LRFN1: variants seen among roughly 807,000 people sequenced by gnomAD.
LRFN1 encodes leucine rich repeat and fibronectin type III domain containing 1, also known as leucine-rich repeat and fibronectin type III domain-containing protein 1.
In LRFN1, 20 loss-of-function variants were observed where a neutral mutation model predicts 31.8. That is an observed-to-expected ratio of 0.63 (90% confidence interval 0.44 to 0.91). The LOEUF (loss-of-function observed/expected upper bound fraction) is 0.91, where lower values mean the gene tolerates loss of function less well. Among genes scored for constraint, LRFN1 ranks in the 40% least tolerant of loss-of-function variants. The probability of loss-of-function intolerance (pLI) is 0.00; values close to 1 mark genes in which losing one functional copy is unlikely to be tolerated. For missense variants in LRFN1, 912 were observed against 1,129.8 expected, an observed-to-expected ratio of 0.81 and a Z score of 2.76; for synonymous variants, 514 against 541.3, an observed-to-expected ratio of 0.95 and a Z score of 0.70.
At chr19:39,317,917 C>A (rs1197906243) in intron 2 of LRFN1, among the ~76,000 whole-genome samples, 9 of 152,172 alleles carry the variant, frequency 5.9e-5, no homozygotes, top group Non-Finnish European at 1.3e-4. Context: ...TCTTCCCACA[C>A]CCATGCACAC....
chr19:39,308,559 G>GGGGT lies in LRFN1; in HGVS notation c.1407-18_1407-17insACCC. On this transcript the variant is annotated splice_polypyrimidine_tract_variant and intron_variant, in intron 4 of 4. Coordinates refer to ENST00000248668, the MANE Select transcript of LRFN1 (RefSeq NM_020862.2). This position sits in a 1 kb window ranked among gnomAD's most constrained non-coding sequence, Gnocchi z 6.2. ...GGGATCATCCTGTAGGAGGGGGCGGGTTCAGGGCGGGGTTAGTCCCCCCGA... is the reference window on the plus strand; with the variant it reads ...GGGATCATCCTGTAGGAGGGGGCGGGGGGTTTCAGGGCGGGGTTAGTCCCCCCGA... The GGGGT allele has an allele frequency of 8.2e-7, 1 of 1,212,680 alleles. No individual in the cohort carries two copies. Among genetic ancestry groups the GGGGT allele is most frequent in the Non-Finnish European group, 1.2e-6 (1 of 862,718 alleles). The allele number at this position is 1,212,680 out of a possible 1,614,324, so 75.1% of individuals were successfully genotyped here. A position where few individuals can be genotyped will look rare whatever the true frequency, so the allele number is the denominator to read the frequency against.
intron 1 of LRFN1, among the ~76,000 whole-genome samples, chr19:39,320,056 C>T (rs1157287160): frequency 1.4e-5 from 2 of 147,324 alleles, no homozygotes; most frequent in South Asian, 2.2e-4. Context: ...GTCCATTTCT[C>T]GGCCTCTCAT....
Position 39,314,529 on chromosome 19 carries a change from C to T in LRFN1, c.808G>A (p.Asp270Asn), listed in dbSNP as rs1444808318. 6 of 1,609,966 alleles carry T rather than the reference C, an allele frequency of 3.7e-6. No individual in the cohort carries two copies. Among genetic ancestry groups the T allele is most frequent in the Non-Finnish European group, 5.1e-6 (6 of 1,178,864 alleles). ...LLWLRRLTRE[D>N]DLETCATPEH... The stretch of plus-strand genomic sequence containing the variant: ...GGCGTGGCGCAGGTCTCTAAGTCGT[C>T]CTCGCGGGTCAGCCGCCGCAGCCAG... Residue 270 changes from aspartate (D) to asparagine (N), a missense_variant, in exon 4 of 5, where the codon GAC becomes AAC. Around this residue, in one of 2 missense-constraint regions of LRFN1, gnomAD observed 401 missense variants for 572.7 expected, o/e 0.70. Coordinates refer to ENST00000248668, the MANE Select transcript of LRFN1 (RefSeq NM_020862.2).
Position 39,314,626 on chromosome 19 carries a change from G to A in LRFN1, c.711C>T (p.Thr237=), listed in dbSNP as rs527538453. Reference sequence around the variant, plus strand: ...TCAGCGGGGTGGGCGGCTTGGGCCCGGTGCCCTGCGACCTCAGGAAGAGCC... The same window carrying A: ...TCAGCGGGGTGGGCGGCTTGGGCCCAGTGCCCTGCGACCTCAGGAAGAGCC... ...PDGLFLRSQG[T]GPKPPTPLTV... is the part of the protein sequence containing the mutation. The change falls in exon 4 of 5, where the codon ACC becomes ACT. Residue 237 remains threonine, a synonymous_variant. Coordinates refer to ENST00000248668, the MANE Select transcript of LRFN1 (RefSeq NM_020862.2). 2.5e-5 allele frequency: 41 copies of A among 1,610,056 alleles called. No individual in the cohort carries two copies. The African/African-American group carries it at 2.9e-4, about 12-fold the overall frequency.
Position 39,315,035 on chromosome 19 carries a change from A to T in LRFN1, c.302T>A (p.Ile101Asn), listed in dbSNP as rs1029904539. The T allele has an allele frequency of 6.3e-7, 1 of 1,595,162 alleles. No individual in the cohort carries two copies. Among genetic ancestry groups the T allele is most frequent in the Non-Finnish European group, 8.5e-7 (1 of 1,177,982 alleles). ...GAAGGCGCCAGCTGCCACCTGGCCG[A>T]TGGTGTTCCGGGAGAGAGTGAGGTG... The part of the protein sequence containing the change: ...LVHLTLSRNT[I>N]GQVAAGAFAD... The change falls in exon 4 of 5, where the codon ATC becomes AAC. Residue 101 changes from isoleucine (I) to asparagine (N), a missense_variant. Physicochemically the swap from Ile to Asn is moderately radical, Grantham distance 149. Coordinates refer to ENST00000248668, the MANE Select transcript of LRFN1 (RefSeq NM_020862.2). The surrounding 1 kb of genome is among the most constrained non-coding windows in gnomAD (Gnocchi z 4.7).
rs1432241018 is a variant in LRFN1, at chr19:39,315,680, A to G, written c.-37-307T>C. Among the ~76,000 whole-genome samples the G allele has an allele frequency of 2.6e-5, 4 of 152,052 alleles. No individual in the cohort carries two copies. Among genetic ancestry groups the G allele is most frequent in the African/African-American group, 9.7e-5 (4 of 41,378 alleles). ...CTAAAAATACAAAAATTAGCTGGGCATGGTGGTGGGCGCCTGTAATCCCAG... is the reference window on the plus strand; with the variant it reads ...CTAAAAATACAAAAATTAGCTGGGCGTGGTGGTGGGCGCCTGTAATCCCAG... On this transcript the variant is annotated intron_variant, in intron 3 of 4. Coordinates refer to ENST00000248668, the MANE Select transcript of LRFN1 (RefSeq NM_020862.2). The surrounding 1 kb of genome is among the most constrained non-coding windows in gnomAD (Gnocchi z 4.7).
chr19:39,307,992 G>A lies in LRFN1; in HGVS notation c.1957C>T (p.Leu653=), dbSNP rs531577155. 1.5e-5 allele frequency: 24 copies of A among 1,578,282 alleles called. No homozygotes were observed. In the African/African-American group the frequency reaches 2.9e-4, roughly 19 times the overall value. ...TCCCCGGAAGTTTCCTCGGATGGCA[G>A]CAGGCACAGCGAGGTGGCCGAGCCG... ...LGGSATSLCL[L]PSEETSGEES... The change falls in exon 5 of 5, where the codon CTG becomes TTG. Residue 653 remains leucine (L), a synonymous_variant. Transcript: ENST00000248668. The surrounding 1 kb of genome is among the most constrained non-coding windows in gnomAD (Gnocchi z 6.7).
At chr19:39,309,403 G>C (rs929795913) in intron 4 of LRFN1, among the ~76,000 whole-genome samples, 1 of 137,220 alleles carries the variant, frequency 7.3e-6, no homozygotes, top group Admixed American at 8.4e-5. Context: ...GCAGTGAGCC[G>C]AGACCACATC....
chr19:39,308,516 A>G lies in LRFN1; in HGVS notation c.1433T>C (p.Phe478Ser). 6.3e-7 allele frequency: 1 copy of G among 1,597,224 alleles called. No homozygotes were observed. Among genetic ancestry groups the G allele is most frequent in the Non-Finnish European group, 8.5e-7 (1 of 1,178,066 alleles). Reference protein sequence around the residue: ...YRMIPSTSQTFLVNDLAAGRA... With the variant: ...YRMIPSTSQTSLVNDLAAGRA... ...GCCCGCCGCCAGGTCATTCACCAGG[A>G]AGGTCTGACTGGTGGACGGGATCAT... is the stretch of plus-strand genomic sequence containing the variant. The change falls in exon 5 of 5, where the codon TTC becomes TCC. Residue 478 changes from phenylalanine to serine, a missense_variant. This residue lies in a region of LRFN1 where 511 missense variants were observed against 557.0 expected (regional missense o/e 0.92). Coordinates refer to ENST00000248668, the MANE Select transcript of LRFN1 (RefSeq NM_020862.2). The surrounding 1 kb of genome is among the most constrained non-coding windows in gnomAD (Gnocchi z 6.2).
At chr19:39,309,298 A>T (rs544818296) in intron 4 of LRFN1, among the ~76,000 whole-genome samples, 7 of 152,012 alleles carry the variant, frequency 4.6e-5, no homozygotes, top group Non-Finnish European at 1.0e-4. Context: ...TATTAAAAAT[A>T]CAAAAATTAG....
Position 39,308,614 on chromosome 19 carries a change from A to G in LRFN1, c.1407-72T>C, listed in dbSNP as rs2075139652. 4 of 1,353,458 alleles carry G rather than the reference A, an allele frequency of 3.0e-6. 1 individual carries two copies. Among genetic ancestry groups the G allele is most frequent in the Admixed American group, 5.1e-5 (2 of 39,302 alleles). The allele number at this position is 1,353,458 out of a possible 1,614,324, so 83.8% of individuals were successfully genotyped here. ...CGCCCCTTCGCTTTATGCCCCGCCCATGGTGAACAGTGGGGACTAAACCCT... is the reference window on the plus strand; with the variant it reads ...CGCCCCTTCGCTTTATGCCCCGCCCGTGGTGAACAGTGGGGACTAAACCCT... On this transcript the variant is annotated intron_variant, in intron 4 of 4. Transcript: ENST00000248668. The surrounding 1 kb of genome is among the most constrained non-coding windows in gnomAD (Gnocchi z 6.2).
chr19:39,320,624 ACG>A (rs2075185706), intron 1 of LRFN1, among the ~76,000 whole-genome samples, 167 bp downstream of exon 1: 1 of 151,196 alleles, frequency 6.6e-6, no homozygotes, highest in Non-Finnish European at 1.5e-5. Context: ...CGATGGCCAC[ACG>A]GGCAGGGCGC....
intron 1 of LRFN1, among the ~76,000 whole-genome samples, chr19:39,319,765 C>A (rs2145040694): frequency 6.6e-6 from 1 of 152,206 alleles, no homozygotes; most frequent in African/African-American, 2.4e-5. Context: ...GCAGCACATT[C>A]AGCATCCTGC....
At chr19:39,312,481 A>G (rs1011915675) in intron 4 of LRFN1, among the ~76,000 whole-genome samples, 4 of 152,116 alleles carry the variant, frequency 2.6e-5, no homozygotes, top group African/African-American at 9.7e-5. Context: ...CTGTGTGACA[A>G]TTCTGTGGCA....
Position 39,308,406 on chromosome 19 carries a change from A to T in LRFN1, c.1543T>A (p.Phe515Ile). The T allele has an allele frequency of 6.2e-7, 1 of 1,611,518 alleles. No individual in the cohort carries two copies. ...GGCGCCGGATCCCCAGCGGTGGTGA[A>T]CTGTACACAGCCCACCACTCGCGTT... ...PATRVVGCVQ[F>I]TTAGDPAPCR... The change falls in exon 5 of 5, where the codon TTC (phenylalanine) becomes ATC (isoleucine). Residue 515 changes from phenylalanine (F) to isoleucine (I), a missense_variant. Transcript: ENST00000248668. This position sits in a 1 kb window ranked among gnomAD's most constrained non-coding sequence, Gnocchi z 6.2.
Position 39,307,666 on chromosome 19 carries a change from G to A in LRFN1, c.2283C>T (p.Thr761=). The change falls in exon 5 of 5, where the codon ACC becomes ACT. Residue 761 remains threonine, a synonymous_variant. Transcript: ENST00000248668. The surrounding 1 kb of genome is among the most constrained non-coding windows in gnomAD (Gnocchi z 6.7). The part of the protein sequence containing the change: ...LGSARACLAF[T]STEWMLESTV ...TACTCTCCAGCATCCACTCGGTGCT[G>A]GTGAAAGCCAGGCACGCCCTGGCGG... The A allele has an allele frequency of 2.7e-6, 4 of 1,493,860 alleles. No individual in the cohort carries two copies. The highest frequency in any genetic ancestry group is 2.7e-6 in the Non-Finnish European group (3 of 1,130,418). The allele number at this position is 1,493,860 out of a possible 1,614,324, so 92.5% of individuals were successfully genotyped here. A position where few individuals can be genotyped will look rare whatever the true frequency, so the allele number is the denominator to read the frequency against.
chr19:39,314,767 G>C lies in LRFN1; in HGVS notation c.570C>G (p.Thr190=), dbSNP rs747005266. 1.9e-6 allele frequency: 3 copies of C among 1,613,048 alleles called. No individual in the cohort carries two copies. Among genetic ancestry groups the C allele is most frequent in the Non-Finnish European group, 1.7e-6 (2 of 1,179,560 alleles). Residue 190 remains threonine, a synonymous_variant, in exon 4 of 5, where the codon ACC becomes ACG. Transcript: ENST00000248668. Reference sequence around the variant, plus strand: ...CGATGAGGTTGTGGTCCAGCGTGAGGGTGTTTAGGTTCACCATCTGGCCCA... The same window carrying C: ...CGATGAGGTTGTGGTCCAGCGTGAGCGTGTTTAGGTTCACCATCTGGCCCA... ...EAVGQMVNLN[T]LTLDHNLIDH...
At chr19:39,312,743 A>C (rs2075155080) in intron 4 of LRFN1, among the ~76,000 whole-genome samples, 1 of 151,290 alleles carries the variant, frequency 6.6e-6, no homozygotes. Flanking sequence ...TTGAGGCTGC[A>C]GTGAGCTATG....
chr19:39,308,341 C>T lies in LRFN1; in HGVS notation c.1608G>A (p.Met536Ile). The T allele has an allele frequency of 6.2e-7, 1 of 1,613,044 alleles. No individual in the cohort carries two copies. The highest frequency in any genetic ancestry group is 1.1e-5 in the South Asian group (1 of 91,040). Reference protein sequence around the residue: ...PLRAHFLGGTMIIAIGGVIVA... With the variant: ...PLRAHFLGGTIIIAIGGVIVA... ...CGATGACGCCCCCGATGGCGATGAT[C>T]ATGGTGCCGCCCAAGAAATGGGCCC... The change falls in exon 5 of 5, where the codon ATG becomes ATA. Residue 536 changes from methionine to isoleucine, a missense_variant. Around this residue, in one of 2 missense-constraint regions of LRFN1, gnomAD observed 511 missense variants for 557.0 expected, o/e 0.92. Transcript: ENST00000248668. The surrounding 1 kb of genome is among the most constrained non-coding windows in gnomAD (Gnocchi z 6.2).
Sources: allele counts gnomAD v4.1 joint callset (sites outside exome capture counted in the v4.1 genomes callset), GRCh38; gene constraint gnomAD v4.1.1; regional missense constraint gnomAD v4.1.1; non-coding constraint Gnocchi (gnomAD v3.1); transcripts MANE v1.5; gene names NCBI Gene and HGNC (gene_info 2026-07-23, HGNC 2026-07-21).